The following HIVEP2 variants were observed in gnomAD, a reference collection of about 807,000 sequenced individuals.
HIVEP2 encodes transcription factor HIVEP2.
A neutral mutation model predicts 180.7 loss-of-function variants in HIVEP2; 14 were observed. The observed-to-expected ratio is 0.08, with a 90% CI of 0.05 to 0.12. The LOEUF (loss-of-function observed/expected upper bound fraction) is 0.12, where lower values mean the gene tolerates loss of function less well. Ranked by LOEUF, HIVEP2 falls within the 10% of genes least tolerant of loss-of-function variation. The pLI, the probability that HIVEP2 is intolerant of heterozygous loss-of-function variation, is 1.00. For missense variants in HIVEP2, 2,579 were observed against 3,008.5 expected (o/e 0.86, Z 3.34); for synonymous variants, 1,184 against 1,136.4 (o/e 1.04, Z -0.84).
chr6:142,923,287 T>C (rs12203485), intron 1 of HIVEP2, among the ~76,000 whole-genome samples: 55,903 of 151,168 alleles, frequency 0.37, 11,405 homozygotes, highest in Admixed American at 0.51. Flanking sequence ...GCTGAGATCG[T>C]GCCACTGTAC....
chr6:142,930,230 A>C (rs1777909933), intron 1 of HIVEP2, among the ~76,000 whole-genome samples: 1 of 152,220 alleles, frequency 6.6e-6, no homozygotes, highest in Non-Finnish European at 1.5e-5. Flanking sequence ...TCACTGAGTG[A>C]ACAGATATAT....
At chr6:142,837,293 A>G (rs561843406) in intron 1 of HIVEP2, among the ~76,000 whole-genome samples, 5 of 152,160 alleles carry the variant, frequency 3.3e-5, no homozygotes, top group Non-Finnish European at 7.4e-5. Context: ...GTGTGAGAAC[A>G]GAAGAGTTTG....
chr6:142,773,862 C>A lies in HIVEP2; in HGVS notation c.877G>T (p.Asp293Tyr). The stretch of plus-strand genomic sequence containing the variant: ...ATGGGTGGACCAGGACTCATTTTGT[C>A]AGAAGCCTCGGCAAATAAAGAACTC... ...EESSLFAEAS[D>Y]KMSPGPPIPL... The change falls in exon 5 of 10, where the codon GAC becomes TAC. Residue 293 changes from aspartate to tyrosine, a missense_variant. Coordinates refer to ENST00000367603, the MANE Select transcript of HIVEP2 (RefSeq NM_006734.4). The A allele has an allele frequency of 6.2e-7, 1 of 1,613,552 alleles. No individual in the cohort carries two copies. Among genetic ancestry groups the A allele is most frequent in the Non-Finnish European group, 8.5e-7 (1 of 1,180,042 alleles).
At chr6:142,836,571 G>A (rs1241103302) in intron 2 of HIVEP2, among the ~76,000 whole-genome samples, 7 of 152,068 alleles carry the variant, frequency 4.6e-5, no homozygotes, top group Non-Finnish European at 8.8e-5. Flanking sequence ...CATCTTAGAT[G>A]TGAATCTGAC....
intron 2 of HIVEP2, among the ~76,000 whole-genome samples, chr6:142,827,690 G>C (rs1279125516): frequency 1.3e-5 from 2 of 152,200 alleles, no homozygotes; most frequent in Non-Finnish European, 2.9e-5. Flanking sequence ...GTGGGAAGGA[G>C]GAAGGAGGTA....
At chr6:142,938,747 A>G (rs1778110543) in intron 1 of HIVEP2, among the ~76,000 whole-genome samples, 1 of 152,212 alleles carries the variant, frequency 6.6e-6, no homozygotes, top group African/African-American at 2.4e-5. Flanking sequence ...TCTGAACTCA[A>G]GTGAATCTGC....
chr6:142,790,747 T>G (rs1326109567), intron 2 of HIVEP2, among the ~76,000 whole-genome samples: 2 of 152,198 alleles, frequency 1.3e-5, no homozygotes, highest in African/African-American at 4.8e-5. Context: ...ATATGCATTA[T>G]ATTCATAAGT....
rs371191050 is a variant in HIVEP2 at position 142,830,706 on chromosome 6, G to A, written c.-528+6229C>T. Among the ~76,000 whole-genome samples, 40 of 152,168 alleles carry A rather than the reference G, an allele frequency of 2.6e-4. No individual in the cohort carries two copies. The East Asian group carries it at 6.6e-3, about 25-fold the overall frequency. ...ATCTATATTTATATCAGACTCAACT[G>A]GTACACAATCAAATTCATCACACTA... On this transcript the variant is annotated intron_variant, in intron 2 of 9. Coordinates refer to ENST00000367603, the MANE Select transcript of HIVEP2 (RefSeq NM_006734.4).
chr6:142,939,892 A>G (rs376613560), intron 1 of HIVEP2, among the ~76,000 whole-genome samples: 153 of 152,344 alleles, frequency 1.0e-3, no homozygotes, highest in African/African-American at 3.5e-3. Context: ...AAAACAGAAA[A>G]AAAAGTAATC....
chr6:142,939,857 G>T (rs1239939524), intron 1 of HIVEP2, among the ~76,000 whole-genome samples: 3 of 152,074 alleles, frequency 2.0e-5, no homozygotes, highest in Non-Finnish European at 2.9e-5. Flanking sequence ...CACCTAAATT[G>T]AATCTCCTAC....
At chr6:142,782,736 GC>G (rs1163573638) in intron 3 of HIVEP2, among the ~76,000 whole-genome samples, 1 of 152,146 alleles carries the variant, frequency 6.6e-6, no homozygotes, top group East Asian at 1.9e-4. Context: ...GATATTTAAA[GC>G]CTAATGAGAA....
chr6:142,846,829 T>G (rs1278270012), intron 1 of HIVEP2, among the ~76,000 whole-genome samples: 1 of 151,362 alleles, frequency 6.6e-6, no homozygotes, highest in Admixed American at 6.6e-5. Flanking sequence ...CCTGTAAGAG[T>G]GTAAAAGAAA....
rs34687776 is a variant in HIVEP2 at position 142,754,270 on chromosome 6, CA to C, written c.6517-340del. Among the ~76,000 whole-genome samples, 666 of 132,762 alleles carry C rather than the reference CA, an allele frequency of 5.0e-3. 6 individuals carry two copies. Among genetic ancestry groups the C allele is most frequent in the African/African-American group, 0.016 (584 of 35,896 alleles). 87.1% of individuals were successfully genotyped at this position (132,762 alleles called of 152,430 possible). ...TGAAAAGAAATTAATGGATAATTGG[CA>C]AAAAAAAAAAGTTTACTGAGCAAAA... On this transcript the variant is annotated intron_variant, in intron 9 of 9. Coordinates refer to ENST00000367603, the MANE Select transcript of HIVEP2 (RefSeq NM_006734.4).
chr6:142,817,863 G>A (rs1246569555), intron 2 of HIVEP2, among the ~76,000 whole-genome samples: 3 of 151,898 alleles, frequency 2.0e-5, no homozygotes, highest in Non-Finnish European at 2.9e-5. Flanking sequence ...AAAATTAGCT[G>A]GGCCTGGTGG....
Position 142,753,428 on chromosome 6 carries a change from C to G in HIVEP2, c.7020G>C (p.Thr2340=), listed in dbSNP as rs778206851. 6.2e-7 allele frequency: 1 copy of G among 1,613,964 alleles called. No individual in the cohort carries two copies. Among genetic ancestry groups the G allele is most frequent in the Non-Finnish European group, 8.5e-7 (1 of 1,180,036 alleles). Reference sequence around the variant, plus strand: ...CTGGCCCGAGCAGAGCTGCCTCTTCCGTGGCAATCCGGAGAGAGGCAATGG... The same window carrying G: ...CTGGCCCGAGCAGAGCTGCCTCTTCGGTGGCAATCCGGAGAGAGGCAATGG... The part of the protein sequence containing the change: ...TKAIASLRIA[T]EEAALLGPDQ... The change falls in exon 10 of 10, where the codon ACG becomes ACC. Residue 2340 remains threonine, a synonymous_variant. Transcript: ENST00000367603.
chr6:142,891,649 A>G (rs963949402), intron 1 of HIVEP2, among the ~76,000 whole-genome samples: 2 of 152,250 alleles, frequency 1.3e-5, no homozygotes. Flanking sequence ...AGTAACTTCA[A>G]ATAAGTCACC....
chr6:142,890,434 G>A (rs1380224618), intron 1 of HIVEP2, among the ~76,000 whole-genome samples: 2 of 152,158 alleles, frequency 1.3e-5, no homozygotes, highest in Non-Finnish European at 2.9e-5. Flanking sequence ...AGGTAGAAAC[G>A]ATCTTGCTTC....
chr6:142,812,096 A>T (rs1311725593), intron 2 of HIVEP2, among the ~76,000 whole-genome samples: 1 of 152,154 alleles, frequency 6.6e-6, no homozygotes, highest in Non-Finnish European at 1.5e-5. Context: ...GCAGTCCCCG[A>T]GTGGAGGACT....
chr6:142,768,497 C>G lies in HIVEP2; in HGVS notation c.5227G>C (p.Glu1743Gln). 2 of 1,613,292 alleles carry G rather than the reference C, an allele frequency of 1.2e-6. No individual in the cohort carries two copies. The highest frequency in any genetic ancestry group is 1.7e-6 in the Non-Finnish European group (2 of 1,179,640). Reference sequence around the variant, plus strand: ...AAGATATTTCCCACTAGTTTCCTTTCTAGTTTGCTGCCAAATAAAAAGGAC... The same window carrying G: ...AAGATATTTCCCACTAGTTTCCTTTGTAGTTTGCTGCCAAATAAAAAGGAC... ...DASFLFGSKL[E>Q]RKLVGNILKE... The change falls in exon 6 of 10, where the codon GAA (glutamate) becomes CAA (glutamine). Residue 1743 changes from glutamate (E) to glutamine (Q), a missense_variant. By Grantham distance (29) the Glu-to-Gln change is conservative. Coordinates refer to ENST00000367603, the MANE Select transcript of HIVEP2 (RefSeq NM_006734.4).
Sources: gnomAD v4.1 joint callset for allele counts (sites outside exome capture counted in the v4.1 genomes callset) on GRCh38, gnomAD v4.1.1 for gene constraint, MANE v1.5 for transcripts, NCBI Gene and HGNC (gene_info 2026-07-23, HGNC 2026-07-21) for gene names.